Variants in BSPH1 observed in about 807,000 individuals in gnomAD.
BSPH1 encodes binder of sperm 1.
Under a neutral mutation model 22.5 loss-of-function variants are expected in BSPH1, and 21 were observed. The observed-to-expected ratio is 0.93, with a 90% CI of 0.66 to 1.35. BSPH1 has a LOEUF of 1.35. Among genes scored for constraint, BSPH1 ranks in the 40% most tolerant of loss-of-function variants. BSPH1 has a pLI of 0.00. For missense variants in BSPH1, 141 were observed against 154.2 expected (o/e 0.91, Z 0.45); for synonymous variants, 42 against 53.6 (o/e 0.78, Z 0.95).
At chr19:47,980,417 G>T in intron 2 of BSPH1, 1 of 528,234 alleles carries the variant, frequency 1.9e-6, no homozygotes. Flanking sequence ...GTAATGACAT[G>T]TTTAATCACC....
At chr19:47,978,545 A>T (rs1969390059) in intron 3 of BSPH1, among the ~76,000 whole-genome samples, 2 of 152,230 alleles carry the variant, frequency 1.3e-5, no homozygotes, top group African/African-American at 4.8e-5. Flanking sequence ...GTATTGAAGC[A>T]TTTGTTTCTA....
chr19:47,988,650 T>G (rs946149321), intron 1 of BSPH1, among the ~76,000 whole-genome samples: 4 of 151,992 alleles, frequency 2.6e-5, no homozygotes, highest in Admixed American at 6.6e-5. Context: ...AAACGTTTGT[T>G]GACATCAAAC....
chr19:47,987,966 A>C (rs1290271756), intron 1 of BSPH1, among the ~76,000 whole-genome samples: 1 of 152,166 alleles, frequency 6.6e-6, no homozygotes, highest in East Asian at 1.9e-4. Context: ...ACTGCACTCC[A>C]GCCTGGGTGA....
rs10405393 is a variant in BSPH1, at chr19:47,968,165, G to A, written c.*47C>T. ...GAAGATTATTACTGCTGGATGCATC[G>A]ATCATGTTTTGTCTGTATCTGATAG... On this transcript the variant is annotated 3_prime_UTR_variant, in exon 6 of 6. Transcript: ENST00000344839. The A allele has an allele frequency of 0.44, 66,348 of 151,936 alleles. 16,030 individuals carry two copies. Among genetic ancestry groups the A allele is most frequent in the Middle Eastern group, 0.55 (163 of 294 alleles). 9.4% of individuals were successfully genotyped at this position (151,936 alleles called of 1,614,324 possible).
At chr19:47,972,990 G>T (rs1286134980) in intron 5 of BSPH1, among the ~76,000 whole-genome samples, 1 of 151,688 alleles carries the variant, frequency 6.6e-6, no homozygotes, top group Non-Finnish European at 1.5e-5. Flanking sequence ...GGCCGAGGCG[G>T]GTGGATCACG....
chr19:47,991,772 C>T (rs1343064071), intron 1 of BSPH1, among the ~76,000 whole-genome samples: 1 of 91,366 alleles, frequency 1.1e-5, no homozygotes, highest in Admixed American at 1.1e-4. Flanking sequence ...TCCTTCTTCA[C>T]CTCCTCCCCC....
chr19:47,969,725 G>GAGAGAGAGAC, intron 5 of BSPH1, among the ~76,000 whole-genome samples: 1 of 121,312 alleles, frequency 8.2e-6, no homozygotes, highest in African/African-American at 2.7e-5. Context: ...GAGAGAGAGA[G>GAGAGAGAGAC]ACTTTAGAAT....
chr19:47,968,363 CTTT>C (rs67184020), intron 5 of BSPH1, among the ~76,000 whole-genome samples, 154 bp from the exon 6 acceptor site: 6 of 141,026 alleles, frequency 4.3e-5, no homozygotes, highest in African/African-American at 5.4e-5. Context: ...TCTCTTTTTT[CTTT>C]TTTTTTTTTT....
chr19:47,990,710 T>C (rs1969515351), intron 1 of BSPH1, among the ~76,000 whole-genome samples: 1 of 152,228 alleles, frequency 6.6e-6, no homozygotes, highest in African/African-American at 2.4e-5. Flanking sequence ...AAAATTGTTT[T>C]TGAAACTATG....
At position 47,972,433 on chromosome 19, in the gene BSPH1, C is replaced by T. The variant is rs150871979; in HGVS notation, c.*3-4224G>A. On this transcript the variant is annotated intron_variant, in intron 5 of 5. Transcript: ENST00000344839. ...TATAGGTAATTTTTGTATCATCTCC[C>T]TCCTCCCACTCTCCACCATCCAGTG... is the stretch of plus-strand genomic sequence containing the variant. Among the ~76,000 whole-genome samples the T allele has an allele frequency of 3.1e-3, 478 of 152,152 alleles. 3 individuals carry two copies. The highest frequency in any genetic ancestry group is 0.01 in the African/African-American group (434 of 41,504).
intron 5 of BSPH1, among the ~76,000 whole-genome samples, chr19:47,969,200 T>C (rs1969286546): frequency 6.6e-6 from 1 of 151,952 alleles, no homozygotes; most frequent in South Asian, 2.1e-4. Context: ...TGTAAATTAG[T>C]TGGACGTGGT....
chr19:47,980,460 A>T, intron 2 of BSPH1: 13 of 351,336 alleles, frequency 3.7e-5, no homozygotes, highest in South Asian at 1.2e-4. Context: ...ATTATGATTT[A>T]TCTCCTCTTC....
intron 5 of BSPH1, among the ~76,000 whole-genome samples, chr19:47,970,091 C>T (rs377114757): frequency 6.6e-6 from 1 of 152,088 alleles, no homozygotes; most frequent in African/African-American, 2.4e-5. Flanking sequence ...TGGAGTCTCA[C>T]TCTGTCACTC....
chr19:47,989,222 T>C (rs948448862), intron 1 of BSPH1, among the ~76,000 whole-genome samples: 2 of 151,414 alleles, frequency 1.3e-5, no homozygotes, highest in African/African-American at 4.9e-5. Flanking sequence ...CTCAGGTCAC[T>C]GCAACCTCCG....
intron 1 of BSPH1, among the ~76,000 whole-genome samples, chr19:47,989,847 G>A (rs1269503409): frequency 6.6e-6 from 1 of 152,086 alleles, no homozygotes; most frequent in African/African-American, 2.4e-5. Flanking sequence ...GGCTGTGTGC[G>A]GTGGCTCCTG....
In BSPH1 at chr19:47,980,902, AG is replaced by A. The variant is rs771133175; in HGVS notation, c.94+18del. ...AAATTTGAAAAGAAACGCTAATAAA[AG>A]TTTTTTGATCAACTCACCCACAGTT... On this transcript the variant is annotated intron_variant, in intron 2 of 5. Coordinates refer to ENST00000344839, the MANE Select transcript of BSPH1 (RefSeq NM_001128326.2). 60 of 1,432,616 alleles carry A rather than the reference AG, an allele frequency of 4.2e-5. No individual in the cohort carries two copies. The East Asian group carries it at 1.3e-3, about 31-fold the overall frequency. The allele number at this position is 1,432,616 out of a possible 1,614,324, so 88.7% of individuals were successfully genotyped here.
intron 3 of BSPH1, among the ~76,000 whole-genome samples, chr19:47,978,458 A>G (rs1195002589): frequency 6.6e-6 from 1 of 152,160 alleles, no homozygotes; most frequent in African/African-American, 2.4e-5. Context: ...AACACAATTT[A>G]TTCAGTATTT....
At chr19:47,981,940 T>G (rs975799394) in intron 1 of BSPH1, among the ~76,000 whole-genome samples, 3 of 152,236 alleles carry the variant, frequency 2.0e-5, no homozygotes, top group South Asian at 2.1e-4. Context: ...AAAACCAGCA[T>G]GTTTTAGTTA....
intron 2 of BSPH1, 68 bp downstream of exon 2, chr19:47,980,853 C>G: frequency 1.2e-6 from 1 of 840,764 alleles, no homozygotes; most frequent in Non-Finnish European, 1.9e-6. Context: ...AGGGAATACT[C>G]AATGGTTTCA....
Sources: gnomAD v4.1 joint callset for allele counts (sites outside exome capture counted in the v4.1 genomes callset) on GRCh38, gnomAD v4.1.1 for gene constraint, MANE v1.5 for transcripts, NCBI Gene and HGNC (gene_info 2026-07-23, HGNC 2026-07-21) for gene names.